SRPK1: variants seen among roughly 807,000 people sequenced by gnomAD.
The protein encoded by SRPK1 is SFRS protein kinase 1.
A neutral mutation model predicts 89.5 loss-of-function variants in SRPK1; 52 were observed. The ratio of observed to expected loss-of-function variants is 0.58; its 90% CI spans 0.46 to 0.73. The LOEUF (loss-of-function observed/expected upper bound fraction) is 0.73, where lower values mean the gene tolerates loss of function less well. Among genes scored for constraint, SRPK1 ranks in the 30% least tolerant of loss-of-function variants. The pLI is 0.00. For synonymous variants in SRPK1, 255 were observed against 270.2 expected, an observed-to-expected ratio of 0.94 and a Z score of 0.55; for missense variants, 603 against 780.6, an observed-to-expected ratio of 0.77 and a Z score of 2.71.
intron 2 of SRPK1, chr6:35,904,899 G>T: frequency 2.5e-6 from 1 of 393,534 alleles, no homozygotes; most frequent in South Asian, 1.8e-5. Context: ...AGTAATTTGG[G>T]AGGCCAAGGT....
chr6:35,879,364 T>C (rs1231337524), intron 6 of SRPK1, among the ~76,000 whole-genome samples: 2 of 151,646 alleles, frequency 1.3e-5, no homozygotes, highest in South Asian at 2.1e-4. Flanking sequence ...CTGGGCAACA[T>C]AGCAAGACCC....
intron 2 of SRPK1, among the ~76,000 whole-genome samples, chr6:35,909,129 A>C (rs978486795): frequency 2.0e-5 from 3 of 152,236 alleles, no homozygotes; most frequent in Non-Finnish European, 2.9e-5. Context: ...AGACCCCAGA[A>C]GGGTAGATCC....
intron 12 of SRPK1, among the ~76,000 whole-genome samples, chr6:35,864,132 C>T (rs897156650): frequency 1.3e-5 from 2 of 152,096 alleles, no homozygotes; most frequent in African/African-American, 4.8e-5. Context: ...CTGGTCTGGG[C>T]AAAAATTTTC....
intron 12 of SRPK1, among the ~76,000 whole-genome samples, chr6:35,864,716 T>C (rs1368390466): frequency 1.3e-5 from 2 of 152,152 alleles, no homozygotes; most frequent in Non-Finnish European, 2.9e-5. Flanking sequence ...AGGAAATCTG[T>C]ATATAAAAAA....
intron 2 of SRPK1, among the ~76,000 whole-genome samples, chr6:35,892,903 A>G (rs1770552243): frequency 1.3e-5 from 2 of 152,246 alleles, no homozygotes; most frequent in Admixed American, 1.3e-4. Flanking sequence ...TATTTAAGAC[A>G]TAAGAAATAC....
chr6:35,869,325 A>G (rs951216237), intron 11 of SRPK1, among the ~76,000 whole-genome samples, 157 bp downstream of exon 11: 1 of 152,248 alleles, frequency 6.6e-6, no homozygotes, highest in East Asian at 1.9e-4. Flanking sequence ...TACTCAGTAC[A>G]TGATGGATAA....
intron 2 of SRPK1, among the ~76,000 whole-genome samples, chr6:35,915,971 C>CAAA (rs35912769): frequency 0.031 from 1,517 of 49,028 alleles, 70 homozygotes; most frequent in South Asian, 0.069. Flanking sequence ...GACTCTGTCT[C>CAAA]AAAAACAAAA....
intron 13 of SRPK1, among the ~76,000 whole-genome samples, chr6:35,850,492 C>G (rs754665368): frequency 6.6e-6 from 1 of 152,152 alleles, no homozygotes; most frequent in Non-Finnish European, 1.5e-5. Context: ...TGGGAAACTC[C>G]AGAGTTCAGT....
intron 2 of SRPK1, among the ~76,000 whole-genome samples, chr6:35,899,276 C>T (rs1033943290): frequency 1.3e-5 from 2 of 152,148 alleles, no homozygotes; most frequent in African/African-American, 4.8e-5. Flanking sequence ...CTCTTCATTG[C>T]CCCCTCCAAC....
At chr6:35,845,407 C>T (rs889376820) in intron 13 of SRPK1, among the ~76,000 whole-genome samples, 12 of 152,148 alleles carry the variant, frequency 7.9e-5, no homozygotes, top group African/African-American at 2.9e-4. Context: ...GAACCTAAAA[C>T]TGCTCTAAAA....
In SRPK1 at chr6:35,856,931, G is replaced by T. The variant is rs1188555481; in HGVS notation, c.1620+330C>A. On this transcript the variant is annotated intron_variant, in intron 13 of 15. Coordinates refer to ENST00000373825, the MANE Select transcript of SRPK1 (RefSeq NM_003137.5). ...CAGGGGTTTCTTTGGTCTGAAAATA[G>T]ATGAGTGCTAAAAATGCAAAGATAC... is the stretch of plus-strand genomic sequence containing the variant. 10 of 201,962 alleles carry T rather than the reference G, an allele frequency of 5.0e-5. No individual in the cohort carries two copies. The South Asian group carries it at 1.2e-3, about 24-fold the overall frequency. The allele number at this position is 201,962 out of a possible 1,614,324, so 12.5% of individuals were successfully genotyped here. A position where few individuals can be genotyped will look rare whatever the true frequency, so the allele number is the denominator to read the frequency against.
intron 2 of SRPK1, among the ~76,000 whole-genome samples, chr6:35,908,717 TA>T (rs2127267277): frequency 6.6e-6 from 1 of 152,330 alleles, no homozygotes; most frequent in South Asian, 2.1e-4. Flanking sequence ...AGCTGGCTGC[TA>T]ATCACCAAGA....
At chr6:35,838,525 A>C in intron 14 of SRPK1, 96 bp from the exon 15 acceptor site, 1 of 1,309,258 alleles carries the variant, frequency 7.6e-7, no homozygotes, top group Non-Finnish European at 1.1e-6. Flanking sequence ...AGCAGCATGC[A>C]CATCTCTTTG....
At chr6:35,915,724 G>C (rs1771075441) in intron 2 of SRPK1, among the ~76,000 whole-genome samples, 1 of 152,032 alleles carries the variant, frequency 6.6e-6, no homozygotes, top group Non-Finnish European at 1.5e-5. Flanking sequence ...TGTAAGCCTA[G>C]CACTTTGGGA....
At chr6:35,853,643 C>G (rs1769603647) in intron 13 of SRPK1, among the ~76,000 whole-genome samples, 1 of 152,192 alleles carries the variant, frequency 6.6e-6, no homozygotes, top group African/African-American at 2.4e-5. Flanking sequence ...TAGAACCTCT[C>G]ACAAGTGCCA....
rs138504486 is a variant in SRPK1 at position 35,885,298 on chromosome 6, C to CAGAGAGAG, written c.478+1418_478+1425dup. On this transcript the variant is annotated intron_variant, in intron 6 of 15. Transcript: ENST00000373825. ...ACACACACACACACACACACACACACAGAGAGAGAGAGAGAGAGAGAGAGA... is the reference window on the plus strand; with the variant it reads ...ACACACACACACACACACACACACACAGAGAGAGAGAGAGAGAGAGAGAGAGAGAGAGA... 8.2e-4 allele frequency among the ~76,000 whole-genome samples: 93 copies of CAGAGAGAG among 113,176 alleles called. 2 individuals carry two copies. In the East Asian group the frequency reaches 0.016, roughly 19 times the overall value. The allele number at this position is 113,176 out of a possible 152,430, so 74.2% of individuals were successfully genotyped here.
chr6:35,909,857 C>G (rs1329948716), intron 2 of SRPK1, among the ~76,000 whole-genome samples: 2 of 152,178 alleles, frequency 1.3e-5, no homozygotes, highest in African/African-American at 4.8e-5. Context: ...TTCCTGAGGC[C>G]TCCCAGCCAT....
intron 6 of SRPK1, among the ~76,000 whole-genome samples, chr6:35,882,103 A>G (rs377677837): frequency 3.0e-5 from 4 of 132,782 alleles, no homozygotes; most frequent in Admixed American, 1.5e-4. Flanking sequence ...AGTAGTAGCA[A>G]TAGTAGTAGT....
At chr6:35,841,694 T>C (rs1769310774) in intron 14 of SRPK1, among the ~76,000 whole-genome samples, 1 of 151,970 alleles carries the variant, frequency 6.6e-6, no homozygotes, top group Non-Finnish European at 1.5e-5. Flanking sequence ...TAGCTGGGCA[T>C]GGTGGCACAA....
Sources: allele counts gnomAD v4.1 joint callset (sites outside exome capture counted in the v4.1 genomes callset), GRCh38; gene constraint gnomAD v4.1.1; transcripts MANE v1.5; gene names NCBI Gene and HGNC (gene_info 2026-07-23, HGNC 2026-07-21).